The following ADAMTSL3 variants were observed in gnomAD, a reference collection of about 807,000 sequenced individuals.
ADAMTSL3 encodes ADAMTS like 3.
A neutral mutation model predicts 201.7 loss-of-function variants in ADAMTSL3; 128 were observed. The ratio of observed to expected loss-of-function variants is 0.63; its 90% CI spans 0.55 to 0.73. The LOEUF is 0.73. ADAMTSL3 is among the 30% of genes least tolerant of loss of function. The pLI is 0.00. For synonymous variants in ADAMTSL3, 738 were observed against 748.4 expected (o/e 0.99, Z 0.23); for missense variants, 1,990 against 2,119.6 (o/e 0.94, Z 1.20).
chr15:83,981,136 A>G lies in ADAMTSL3; in HGVS notation c.2645-1137A>G, dbSNP rs867836541. 1.6e-4 allele frequency among the ~76,000 whole-genome samples: 24 copies of G among 152,286 alleles called. 1 individual carries two copies. In the South Asian group the frequency reaches 4.6e-3, roughly 29 times the overall value. On this transcript the variant is annotated intron_variant, in intron 20 of 29. Coordinates refer to ENST00000286744, the MANE Select transcript of ADAMTSL3 (RefSeq NM_207517.3). ...CCACAATCTGCTCAGGAACCTAAAT[A>G]CATCATCAAAGAGGATCCAGACTTC...
At chr15:83,757,073 A>T (rs2062733449) in intron 3 of ADAMTSL3, among the ~76,000 whole-genome samples, 2 of 152,176 alleles carry the variant, frequency 1.3e-5, no homozygotes, top group African/African-American at 4.8e-5. Flanking sequence ...TTCCAGGCAC[A>T]CGGTGCAGGC....
At chr15:83,751,123 T>G (rs2062630755) in intron 3 of ADAMTSL3, among the ~76,000 whole-genome samples, 1 of 152,322 alleles carries the variant, frequency 6.6e-6, no homozygotes. Flanking sequence ...TCACATGGTT[T>G]GTTCTGTAAT....
chr15:83,920,268 A>G (rs1306995793), intron 16 of ADAMTSL3, among the ~76,000 whole-genome samples: 1 of 152,122 alleles, frequency 6.6e-6, no homozygotes, highest in Non-Finnish European at 1.5e-5. Flanking sequence ...GTTTTCTCCA[A>G]ATCCCTTCAA....
At chr15:83,701,025 A>G (rs2061769005) in intron 2 of ADAMTSL3, among the ~76,000 whole-genome samples, 1 of 152,218 alleles carries the variant, frequency 6.6e-6, no homozygotes, top group Non-Finnish European at 1.5e-5. Context: ...CTGCAGTTTG[A>G]GAATGAGTCC....
intron 7 of ADAMTSL3, among the ~76,000 whole-genome samples, chr15:83,843,170 T>C (rs1226364659): frequency 6.6e-6 from 1 of 152,248 alleles, no homozygotes; most frequent in Non-Finnish European, 1.5e-5. Context: ...TTTGCCATTC[T>C]GATTTTTTTG....
intron 6 of ADAMTSL3, among the ~76,000 whole-genome samples, chr15:83,827,347 T>C (rs1272228151): frequency 2.6e-5 from 4 of 152,256 alleles, no homozygotes; most frequent in Non-Finnish European, 5.9e-5. Flanking sequence ...GCCCACTTTT[T>C]GACTGGGTTG....
intron 3 of ADAMTSL3, among the ~76,000 whole-genome samples, chr15:83,724,718 G>A (rs994841879): frequency 6.6e-6 from 1 of 151,604 alleles, no homozygotes; most frequent in African/African-American, 2.4e-5. Flanking sequence ...CCTAGCCACT[G>A]GTGACCACCA....
chr15:83,729,288 A>AT (rs1417440223), intron 3 of ADAMTSL3, among the ~76,000 whole-genome samples: 2 of 151,500 alleles, frequency 1.3e-5, no homozygotes, highest in Admixed American at 6.6e-5. Context: ...GAATATTGGT[A>AT]TTTTTTCTGT....
At chr15:83,861,883 G>A (rs1328268799) in intron 8 of ADAMTSL3, 1 of 152,176 alleles carries the variant, frequency 6.6e-6, no homozygotes, top group Non-Finnish European at 1.5e-5. Flanking sequence ...AAACAAATTA[G>A]ACGAATGGCT....
chr15:83,733,396 G>C (rs1273146863), intron 3 of ADAMTSL3, among the ~76,000 whole-genome samples: 1 of 152,108 alleles, frequency 6.6e-6, no homozygotes, highest in Non-Finnish European at 1.5e-5. Flanking sequence ...ACTTAGTCAT[G>C]GGTGTCTACA....
At chr15:83,761,092 T>C (rs1370619397) in intron 3 of ADAMTSL3, among the ~76,000 whole-genome samples, 1 of 152,152 alleles carries the variant, frequency 6.6e-6, no homozygotes, top group Non-Finnish European at 1.5e-5. Flanking sequence ...ATTATATCTT[T>C]TCCCATATAC....
chr15:83,738,986 C>G (rs1461902779), intron 3 of ADAMTSL3, among the ~76,000 whole-genome samples: 2 of 150,032 alleles, frequency 1.3e-5, no homozygotes, highest in Non-Finnish European at 3.0e-5. Flanking sequence ...AAAATATGAT[C>G]ATTTCAACAA....
At chr15:83,660,509 C>CT (rs921398493) in intron 2 of ADAMTSL3, among the ~76,000 whole-genome samples, 37 of 152,146 alleles carry the variant, frequency 2.4e-4, no homozygotes, top group African/African-American at 7.2e-4. Context: ...AACCTTGTGT[C>CT]TGAGTGTTGC....
At chr15:83,734,354 A>G (rs2062335440) in intron 3 of ADAMTSL3, among the ~76,000 whole-genome samples, 3 of 152,212 alleles carry the variant, frequency 2.0e-5, no homozygotes, top group Admixed American at 2.0e-4. Context: ...TTGATAGTTA[A>G]TGACACTGGC....
At chr15:83,828,880 T>C (rs917188904) in intron 6 of ADAMTSL3, among the ~76,000 whole-genome samples, 3 of 152,244 alleles carry the variant, frequency 2.0e-5, no homozygotes, top group Non-Finnish European at 4.4e-5. Flanking sequence ...TGAAGCCCAC[T>C]TGATCATGGT....
At chr15:83,965,745 A>G (rs562765014) in intron 19 of ADAMTSL3, among the ~76,000 whole-genome samples, 6 of 152,324 alleles carry the variant, frequency 3.9e-5, no homozygotes, top group Admixed American at 2.6e-4. Flanking sequence ...TCTCAGCACC[A>G]TATCACACTT....
intron 15 of ADAMTSL3, 64 bp from the exon 16 acceptor site, chr15:83,913,028 C>T (rs1567232102): frequency 2.0e-6 from 3 of 1,537,730 alleles, no homozygotes; most frequent in Non-Finnish European, 2.6e-6. Flanking sequence ...GTCACTCCTC[C>T]TTTTCTGGCC....
chr15:84,016,562 G>A (rs1347844944), intron 25 of ADAMTSL3, 63 bp downstream of exon 25: 1 of 1,327,426 alleles, frequency 7.5e-7, no homozygotes, highest in East Asian at 2.3e-5. Context: ...AAAGGATTTA[G>A]CTAAAAGACC....
At chr15:83,860,404 T>C (rs1567195686) in intron 8 of ADAMTSL3, among the ~76,000 whole-genome samples, 1 of 152,228 alleles carries the variant, frequency 6.6e-6, no homozygotes, top group Admixed American at 6.5e-5. Flanking sequence ...GACACTGTTT[T>C]CCCAGAATAC....
Sources: gnomAD v4.1 joint callset for allele counts (sites outside exome capture counted in the v4.1 genomes callset) on GRCh38, gnomAD v4.1.1 for gene constraint, MANE v1.5 for transcripts, NCBI Gene and HGNC (gene_info 2026-07-23, HGNC 2026-07-21) for gene names.